ZNRF1: variants seen among roughly 807,000 people sequenced by gnomAD.
ZNRF1 encodes the protein E3 ubiquitin-protein ligase ZNRF1.
A neutral mutation model predicts 18.4 loss-of-function variants in ZNRF1; 3 were observed. The observed-to-expected ratio is 0.16, with a 90% CI of 0.07 to 0.42. The LOEUF (loss-of-function observed/expected upper bound fraction) is 0.42. ZNRF1 is among the 10% of genes least tolerant of loss of function. The pLI is 0.99. For synonymous variants in ZNRF1, 157 were observed against 144.2 expected, an observed-to-expected ratio of 1.09 and a Z score of -0.64; for missense variants, 310 against 329.8, an observed-to-expected ratio of 0.94 and a Z score of 0.47.
At chr16:75,016,035 C>T (rs1415896886) in intron 1 of ZNRF1, among the ~76,000 whole-genome samples, 5 of 151,646 alleles carry the variant, frequency 3.3e-5, no homozygotes, top group Non-Finnish European at 2.9e-5. Flanking sequence ...ATTCTCCTCC[C>T]TCAGCCTCCC....
At chr16:75,079,217 C>G (rs2035980627) in intron 1 of ZNRF1, among the ~76,000 whole-genome samples, 2 of 152,186 alleles carry the variant, frequency 1.3e-5, no homozygotes, top group South Asian at 4.1e-4. Context: ...CGCGGTGGCT[C>G]ATGCCTGTAA....
At chr16:75,084,393 A>G (rs2036050955) in intron 1 of ZNRF1, 1 of 152,240 alleles carries the variant, frequency 6.6e-6, no homozygotes, top group South Asian at 2.1e-4. Flanking sequence ...AAGAGAAGAC[A>G]CTAAGCATGT....
At chr16:75,102,827 C>G (rs1398778135) in intron 2 of ZNRF1, among the ~76,000 whole-genome samples, 1 of 152,186 alleles carries the variant, frequency 6.6e-6, no homozygotes, top group Non-Finnish European at 1.5e-5. Context: ...TCCTGGGCAC[C>G]CTCCCTTAGT....
intron 1 of ZNRF1, among the ~76,000 whole-genome samples, chr16:75,073,859 C>T (rs1189829480): frequency 2.0e-5 from 3 of 151,952 alleles, no homozygotes; most frequent in Non-Finnish European, 4.4e-5. Flanking sequence ...ATAGGGTTGC[C>T]GGATCATAGA....
chr16:75,102,683 C>T (rs552791277), intron 2 of ZNRF1, among the ~76,000 whole-genome samples: 1 of 152,338 alleles, frequency 6.6e-6, no homozygotes, highest in African/African-American at 2.4e-5. Context: ...CTTTATCCCA[C>T]ATCCATGCCT....
intron 1 of ZNRF1, among the ~76,000 whole-genome samples, chr16:75,050,871 A>C (rs1179474596): frequency 6.4e-5 from 1 of 15,634 alleles, no homozygotes; most frequent in Non-Finnish European, 3.5e-4. Flanking sequence ...ACTCCGTCTC[A>C]AAAAAAAAAA....
chr16:75,078,318 T>TTTTTTCCCA (rs2035967718), intron 1 of ZNRF1, among the ~76,000 whole-genome samples: 1 of 145,846 alleles, frequency 6.9e-6, no homozygotes, highest in Non-Finnish European at 1.5e-5. Context: ...TTTTTTTTTT[T>TTTTTTCCCA]GACAGAGTCT....
chr16:75,036,037 G>A (rs1309726723), intron 1 of ZNRF1, among the ~76,000 whole-genome samples: 1 of 152,262 alleles, frequency 6.6e-6, no homozygotes, highest in East Asian at 1.9e-4. Flanking sequence ...CTTAACAACT[G>A]CCTGACCATC....
rs1329215556 is a variant in ZNRF1 at position 74,999,621 on chromosome 16, G to C, written c.-51G>C. 1.6e-6 allele frequency: 2 copies of C among 1,270,058 alleles called. No individual in the cohort carries two copies. Among genetic ancestry groups the C allele is most frequent in the Non-Finnish European group, 2.0e-6 (2 of 996,468 alleles). The allele number at this position is 1,270,058 out of a possible 1,614,324, so 78.7% of individuals were successfully genotyped here. A position where few individuals can be genotyped will look rare whatever the true frequency, so the allele number is the denominator to read the frequency against. On this transcript the variant is annotated 5_prime_UTR_variant, in exon 1 of 5. Transcript: ENST00000335325. ...AGCCCTCCCCCTGCTGCTGAGAAGT[G>C]GGGGAGGGTCTCGGCCTCCAGGTTC...
At position 75,068,188 on chromosome 16, in the gene ZNRF1, T is replaced by TAAA. The variant is rs57755915; in HGVS notation, c.425-25360_425-25358dup. On this transcript the variant is annotated intron_variant, in intron 1 of 4. Coordinates refer to ENST00000335325, the MANE Select transcript of ZNRF1 (RefSeq NM_032268.5). The stretch of plus-strand genomic sequence containing the variant: ...GGTGAAAAAGAGCGAGACCTTGTCT[T>TAAA]AAAAAAAAAAAAAAAAAAAAAAAAA... Among the ~76,000 whole-genome samples, 19 of 88,952 alleles carry TAAA rather than the reference T, an allele frequency of 2.1e-4. No homozygotes were observed. The South Asian group carries it at 7.7e-3, about 36-fold the overall frequency. The allele number at this position is 88,952 out of a possible 152,430, so 58.4% of individuals were successfully genotyped here. A position where few individuals can be genotyped will look rare whatever the true frequency, so the allele number is the denominator to read the frequency against.
intron 1 of ZNRF1, among the ~76,000 whole-genome samples, chr16:75,075,260 G>A (rs2035924955): frequency 1.3e-5 from 2 of 152,252 alleles, no homozygotes; most frequent in South Asian, 2.1e-4. Flanking sequence ...TGCCCAGGTG[G>A]CAGCCGAAGT....
chr16:75,090,453 A>G (rs1218598504), intron 1 of ZNRF1, among the ~76,000 whole-genome samples: 2 of 152,118 alleles, frequency 1.3e-5, no homozygotes, highest in Non-Finnish European at 2.9e-5. Context: ...CCTGAGTCCA[A>G]GTGATCCTCC....
At chr16:75,065,353 C>A (rs1322678153) in intron 1 of ZNRF1, among the ~76,000 whole-genome samples, 1 of 152,182 alleles carries the variant, frequency 6.6e-6, no homozygotes, top group Non-Finnish European at 1.5e-5. Flanking sequence ...CGCACGGCAA[C>A]TCCTCAACTC....
At chr16:75,020,505 T>C (rs2035129792) in intron 1 of ZNRF1, among the ~76,000 whole-genome samples, 1 of 152,158 alleles carries the variant, frequency 6.6e-6, no homozygotes, top group South Asian at 2.1e-4. Context: ...GACCATGTTT[T>C]GTTTGCATTT....
At chr16:75,001,905 G>T (rs1243038044) in intron 1 of ZNRF1, among the ~76,000 whole-genome samples, 1 of 152,116 alleles carries the variant, frequency 6.6e-6, no homozygotes, top group Non-Finnish European at 1.5e-5. Context: ...TCATGGTGAG[G>T]GTAGGGAGAG....
chr16:75,016,948 A>G (rs960617386), intron 1 of ZNRF1, among the ~76,000 whole-genome samples: 30 of 152,326 alleles, frequency 2.0e-4, no homozygotes, highest in African/African-American at 6.7e-4. Flanking sequence ...GGGAATCCAG[A>G]TAGAATAAAC....
chr16:75,031,360 G>A (rs931890857), intron 1 of ZNRF1, among the ~76,000 whole-genome samples: 2 of 151,898 alleles, frequency 1.3e-5, no homozygotes, highest in African/African-American at 2.4e-5. Flanking sequence ...TCTATCTCCC[G>A]ACCTCGTGAT....
intron 1 of ZNRF1, among the ~76,000 whole-genome samples, chr16:75,066,640 T>C (rs2035807610): frequency 6.6e-6 from 1 of 152,078 alleles, no homozygotes; most frequent in South Asian, 2.1e-4. Context: ...GTAGTTGGGA[T>C]TACAGGCATG....
Position 75,078,991 on chromosome 16 carries a change from C to T in ZNRF1, c.425-14581C>T, listed in dbSNP as rs112952490. On this transcript the variant is annotated intron_variant, in intron 1 of 4. Transcript: ENST00000335325. ...CATGTTCCTGCTACCATGTTGGAGCCTCCTCCATGCCTTACTCCCAACCTT... is the reference window on the plus strand; with the variant it reads ...CATGTTCCTGCTACCATGTTGGAGCTTCCTCCATGCCTTACTCCCAACCTT... Among the ~76,000 whole-genome samples, 1,200 of 152,286 alleles carry T rather than the reference C, an allele frequency of 7.9e-3. 25 individuals are homozygous for T. The highest frequency in any genetic ancestry group is 0.027 in the African/African-American group (1,122 of 41,550).
Sources: gnomAD v4.1 joint callset for allele counts (sites outside exome capture counted in the v4.1 genomes callset) on GRCh38, gnomAD v4.1.1 for gene constraint, MANE v1.5 for transcripts, NCBI Gene and HGNC (gene_info 2026-07-23, HGNC 2026-07-21) for gene names.